The following PCDH15 variants were observed in gnomAD, a reference collection of about 807,000 sequenced individuals.
PCDH15 encodes the protein protocadherin-15.
In PCDH15, 129 loss-of-function variants were observed where a neutral mutation model predicts 178.5. The observed-to-expected ratio is 0.72, with a 90% CI of 0.63 to 0.84. The LOEUF is 0.84. Among genes scored for constraint, PCDH15 ranks in the 40% least tolerant of loss-of-function variants. PCDH15 has a pLI of 0.00. For missense variants in PCDH15, 2,230 were observed against 2,099.9 expected (o/e 1.06, Z -1.21); for synonymous variants, 800 against 732.0 (o/e 1.09, Z -1.50).
intron 15 of PCDH15, among the ~76,000 whole-genome samples, chr10:54,108,101 G>A (rs1379882285): frequency 1.3e-5 from 2 of 152,134 alleles, no homozygotes; most frequent in Admixed American, 6.5e-5. Flanking sequence ...AAGCAAGAGT[G>A]GAGAGAGTGG....
chr10:55,467,632 G>A (rs1323154445), intron 2 of PCDH15, among the ~76,000 whole-genome samples: 3 of 151,914 alleles, frequency 2.0e-5, no homozygotes, highest in Admixed American at 2.0e-4. Flanking sequence ...TCTCAGACAT[G>A]AACAAAGCTA....
intron 8 of PCDH15, among the ~76,000 whole-genome samples, chr10:54,292,487 G>C (rs538584287): frequency 2.0e-5 from 3 of 152,288 alleles, no homozygotes; most frequent in Admixed American, 2.0e-4. Context: ...TCAGGCAAGA[G>C]AAAGAAATAA....
At chr10:55,462,878 T>C (rs965301051) in intron 2 of PCDH15, among the ~76,000 whole-genome samples, 8 of 152,110 alleles carry the variant, frequency 5.3e-5, no homozygotes, top group African/African-American at 1.9e-4. Context: ...GTGTGCATCA[T>C]TTTCCCCCAG....
chr10:54,181,765 G>GT (rs2048004815), intron 13 of PCDH15, among the ~76,000 whole-genome samples: 1 of 152,042 alleles, frequency 6.6e-6, no homozygotes, highest in Admixed American at 6.6e-5. Context: ...AGTTTGAAAC[G>GT]TTTTTTCTCT....
At chr10:55,541,998 G>C (rs1454613693) in intron 2 of PCDH15, among the ~76,000 whole-genome samples, 3 of 151,602 alleles carry the variant, frequency 2.0e-5, no homozygotes, top group African/African-American at 7.3e-5. Context: ...ATATAAACCT[G>C]AGAGGGAACA....
At chr10:54,089,428 C>T (rs2094564687) in intron 16 of PCDH15, among the ~76,000 whole-genome samples, 1 of 152,156 alleles carries the variant, frequency 6.6e-6, no homozygotes. Flanking sequence ...CCCTAAATGC[C>T]TCCTTTTAAT....
At chr10:55,241,686 G>T (rs1841546380) in intron 1 of PCDH15, among the ~76,000 whole-genome samples, 1 of 152,084 alleles carries the variant, frequency 6.6e-6, no homozygotes, top group Non-Finnish European at 1.5e-5. Flanking sequence ...GCCTCCCAAA[G>T]TTCTGGGATT....
chr10:55,190,621 G>C (rs1490930943), intron 1 of PCDH15, among the ~76,000 whole-genome samples: 2 of 151,664 alleles, frequency 1.3e-5, no homozygotes, highest in Non-Finnish European at 3.0e-5. Flanking sequence ...AATTGACCAA[G>C]TGTTCTCTAA....
At chr10:54,720,305 G>C (rs906908234) in intron 1 of PCDH15, among the ~76,000 whole-genome samples, 1 of 151,796 alleles carries the variant, frequency 6.6e-6, no homozygotes, top group African/African-American at 2.4e-5. Flanking sequence ...GATACAAAAG[G>C]CTCAGAGAAT....
intron 2 of PCDH15, among the ~76,000 whole-genome samples, chr10:55,487,291 CA>C (rs1840316477): frequency 6.6e-6 from 1 of 151,694 alleles, no homozygotes; most frequent in Non-Finnish European, 1.5e-5. Context: ...CTTCCACTTT[CA>C]CCCACTTCTG....
At chr10:54,031,680 G>C (rs1754815991) in intron 18 of PCDH15, among the ~76,000 whole-genome samples, 1 of 151,992 alleles carries the variant, frequency 6.6e-6, no homozygotes, top group African/African-American at 2.4e-5. Context: ...TAACCTGCAG[G>C]CCTCTTACTA....
intron 2 of PCDH15, among the ~76,000 whole-genome samples, chr10:55,589,878 G>A (rs1842805666): frequency 6.7e-6 from 1 of 149,738 alleles, no homozygotes; most frequent in African/African-American, 2.4e-5. Context: ...CTGTAAACTA[G>A]TTCAACCATT....
intron 2 of PCDH15, among the ~76,000 whole-genome samples, chr10:54,929,248 TG>T (rs1056551645): frequency 2.0e-5 from 3 of 152,104 alleles, no homozygotes; most frequent in African/African-American, 7.2e-5. Flanking sequence ...GGACTTGTAT[TG>T]GGCCCCAACT....
intron 2 of PCDH15, among the ~76,000 whole-genome samples, chr10:54,657,648 C>A (rs2094430683): frequency 6.6e-6 from 1 of 152,050 alleles, no homozygotes; most frequent in African/African-American, 2.4e-5. Flanking sequence ...CTGAAAGCAC[C>A]CCAAAACAAA....
chr10:54,718,779 C>T (rs2132468325), intron 1 of PCDH15, among the ~76,000 whole-genome samples: 1 of 150,026 alleles, frequency 6.7e-6, no homozygotes, highest in South Asian at 2.1e-4. Context: ...GCAACCTCCA[C>T]CTCCTGGGTT....
intron 1 of PCDH15, among the ~76,000 whole-genome samples, chr10:54,689,085 A>G (rs1018500218): frequency 6.6e-6 from 1 of 152,044 alleles, no homozygotes; most frequent in Non-Finnish European, 1.5e-5. Flanking sequence ...CAAAATACCT[A>G]TCTTCTCTTC....
At chr10:54,567,068 T>C (rs1304117607) in intron 2 of PCDH15, among the ~76,000 whole-genome samples, 1 of 152,124 alleles carries the variant, frequency 6.6e-6, no homozygotes, top group Non-Finnish European at 1.5e-5. Context: ...TAAATTTATA[T>C]CCCCTTGATA....
chr10:54,165,856 G>C (rs192550044), intron 13 of PCDH15, among the ~76,000 whole-genome samples: 1 of 152,194 alleles, frequency 6.6e-6, no homozygotes, highest in East Asian at 1.9e-4. Context: ...GAAAAATGAA[G>C]AGTGGAAAAG....
chr10:54,051,647 G>C (rs1026430459), intron 18 of PCDH15, among the ~76,000 whole-genome samples: 1 of 152,186 alleles, frequency 6.6e-6, no homozygotes, highest in African/African-American at 2.4e-5. Flanking sequence ...GCAGCCTGAT[G>C]ATGTGATAGA....
Sources: allele counts gnomAD v4.1 joint callset (sites outside exome capture counted in the v4.1 genomes callset), GRCh38; gene constraint gnomAD v4.1.1; transcripts MANE v1.5; gene names NCBI Gene and HGNC (gene_info 2026-07-23, HGNC 2026-07-21).